The following KALRN variants were observed in gnomAD, a reference collection of about 807,000 sequenced individuals.
KALRN encodes kalirin RhoGEF kinase.
KALRN carries 70 observed loss-of-function variants against 353.7 expected under a neutral mutation model. That is an observed-to-expected ratio of 0.20 (90% confidence interval 0.16 to 0.24). KALRN has a LOEUF of 0.24. KALRN is among the 10% of genes least tolerant of loss of function. The pLI is 1.00. For synonymous variants in KALRN, 1,391 were observed against 1,434.8 expected, an observed-to-expected ratio of 0.97 and a Z score of 0.69; for missense variants, 2,791 against 3,756.7, an observed-to-expected ratio of 0.74 and a Z score of 6.72.
intron 57 of KALRN, among the ~76,000 whole-genome samples, chr3:124,702,760 A>G (rs892586454): frequency 2.0e-5 from 3 of 151,998 alleles, no homozygotes; most frequent in Non-Finnish European, 4.4e-5. Flanking sequence ...TCTAATCCCA[A>G]TCCTCCCCCT....
chr3:124,713,216 T>C (rs2062975166), intron 58 of KALRN, 81 bp downstream of exon 58: 1 of 1,203,784 alleles, frequency 8.3e-7, no homozygotes, highest in Non-Finnish European at 1.2e-6. Context: ...AAAAGACAGT[T>C]ACATTTTATA....
intron 13 of KALRN, among the ~76,000 whole-genome samples, chr3:124,411,784 G>A (rs2092182664): frequency 6.6e-6 from 1 of 152,100 alleles, no homozygotes; most frequent in African/African-American, 2.4e-5. Flanking sequence ...AGCCTCATCA[G>A]TCTAACCCCT....
intron 22 of KALRN, among the ~76,000 whole-genome samples, chr3:124,456,110 C>G (rs553569294): frequency 1.4e-4 from 21 of 152,240 alleles, no homozygotes; most frequent in African/African-American, 4.8e-4. Flanking sequence ...CAGGGATGAG[C>G]AATGAGAAAG....
intron 29 of KALRN, chr3:124,488,610 T>A (rs1397101778): frequency 3.3e-6 from 1 of 300,476 alleles, no homozygotes; most frequent in East Asian, 6.2e-5. Flanking sequence ...GTGCTAGAGC[T>A]TCCAACCTAC....
chr3:124,158,319 C>G (rs2149990758), intron 1 of KALRN, among the ~76,000 whole-genome samples: 1 of 152,252 alleles, frequency 6.6e-6, no homozygotes, highest in East Asian at 1.9e-4. Context: ...CCAGGAAGCT[C>G]CCAGTCTACT....
chr3:124,113,507 C>T (rs750341160), intron 1 of KALRN, among the ~76,000 whole-genome samples: 7 of 152,170 alleles, frequency 4.6e-5, no homozygotes, highest in Non-Finnish European at 7.3e-5. Context: ...GGAAGAGAGT[C>T]GATGACTAAC....
intron 2 of KALRN, 55 bp downstream of exon 2, chr3:124,228,119 C>A: frequency 7.4e-7 from 1 of 1,344,956 alleles, no homozygotes; most frequent in Non-Finnish European, 1.1e-6. Flanking sequence ...TGTGTGTGTG[C>A]ACATGTGTTC....
intron 6 of KALRN, among the ~76,000 whole-genome samples, chr3:124,303,515 G>T (rs983856608): frequency 6.6e-6 from 1 of 152,184 alleles, no homozygotes; most frequent in African/African-American, 2.4e-5. Flanking sequence ...AAGTTGGGTG[G>T]TAATATGCAC....
At chr3:124,511,026 G>T (rs2065843700) in intron 33 of KALRN, among the ~76,000 whole-genome samples, 1 of 152,022 alleles carries the variant, frequency 6.6e-6, no homozygotes, top group African/African-American at 2.4e-5. Context: ...AACAAAACAG[G>T]CTGGTTTTCA....
At chr3:124,643,409 C>A (rs1173757767) in intron 37 of KALRN, among the ~76,000 whole-genome samples, 2 of 152,150 alleles carry the variant, frequency 1.3e-5, no homozygotes, top group South Asian at 2.1e-4. Context: ...TGTCCCTACA[C>A]CCCCCAACAG....
intron 25 of KALRN, among the ~76,000 whole-genome samples, chr3:124,465,570 G>A (rs762592206): frequency 2.0e-5 from 3 of 152,118 alleles, no homozygotes; most frequent in Non-Finnish European, 4.4e-5. Flanking sequence ...TCTACATGAA[G>A]GAGTTTCTTG....
At chr3:124,035,333 A>G (rs968585557) in intron 1 of KALRN, among the ~76,000 whole-genome samples, 5 of 152,208 alleles carry the variant, frequency 3.3e-5, no homozygotes, top group Non-Finnish European at 5.9e-5. Flanking sequence ...ATATTCAGAA[A>G]TACTCATTAT....
chr3:124,082,419 C>T (rs1252685359), intron 1 of KALRN: 3 of 399,220 alleles, frequency 7.5e-6, no homozygotes, highest in East Asian at 7.4e-5. Flanking sequence ...AGTAATTCTT[C>T]TCCAGAATCC....
At chr3:124,405,096 C>G (rs1211196702) in intron 13 of KALRN, among the ~76,000 whole-genome samples, 1 of 152,150 alleles carries the variant, frequency 6.6e-6, no homozygotes, top group Non-Finnish European at 1.5e-5. Flanking sequence ...TGAAGTAAAC[C>G]TAATCCTCAC....
intron 33 of KALRN, among the ~76,000 whole-genome samples, chr3:124,523,907 C>T (rs1350367638): frequency 6.6e-6 from 1 of 152,196 alleles, no homozygotes; most frequent in Non-Finnish European, 1.5e-5. Flanking sequence ...GCTTTAGAAG[C>T]TTAATTTCTA....
chr3:124,153,901 C>G (rs1025389215), intron 1 of KALRN, among the ~76,000 whole-genome samples: 12 of 151,990 alleles, frequency 7.9e-5, no homozygotes, highest in African/African-American at 2.9e-4. Context: ...TGTCTTTTGG[C>G]TGCATAAATG....
At position 124,633,974 on chromosome 3, in the gene KALRN, C is replaced by T. The variant is rs373419618; in HGVS notation, c.5568+21C>T. ...AAATGGTAGAACTTCTTTACTTGCTCACTTAAAAGAGCAACGTGCCGTGCG... is the reference window on the plus strand; with the variant it reads ...AAATGGTAGAACTTCTTTACTTGCTTACTTAAAAGAGCAACGTGCCGTGCG... On this transcript the variant is annotated intron_variant, in intron 36 of 59. Transcript: ENST00000682506. The T allele has an allele frequency of 8.2e-6, 13 of 1,594,670 alleles. No individual in the cohort carries two copies. In the African/African-American group the frequency reaches 1.6e-4, roughly 20 times the overall value.
intron 38 of KALRN, among the ~76,000 whole-genome samples, chr3:124,655,262 G>T (rs1439853454): frequency 6.6e-6 from 1 of 152,220 alleles, no homozygotes; most frequent in Non-Finnish European, 1.5e-5. Context: ...TGCCAAAATG[G>T]TTGTCAATCT....
At chr3:124,279,006 T>C (rs2075073787) in intron 5 of KALRN, among the ~76,000 whole-genome samples, 2 of 152,342 alleles carry the variant, frequency 1.3e-5, no homozygotes, top group East Asian at 3.9e-4. Context: ...TTGGTCCCTG[T>C]CCTGGCATCT....
Sources: allele counts gnomAD v4.1 joint callset (sites outside exome capture counted in the v4.1 genomes callset), GRCh38; gene constraint gnomAD v4.1.1; transcripts MANE v1.5; gene names NCBI Gene and HGNC (gene_info 2026-07-23, HGNC 2026-07-21).